The following PIGL variants were observed in gnomAD, a reference collection of about 807,000 sequenced individuals.
PIGL encodes phosphatidylinositol glycan anchor biosynthesis class L.
In PIGL, 22 loss-of-function variants were observed where a neutral mutation model predicts 31.1. That is an observed-to-expected ratio of 0.71 (90% CI 0.51 to 1.01). PIGL has a LOEUF of 1.01. PIGL is among the 50% of genes least tolerant of loss of function. PIGL has a pLI of 0.00. For missense variants in PIGL, 302 were observed against 315.9 expected, an observed-to-expected ratio of 0.96 and a Z score of 0.33; for synonymous variants, 131 against 117.4, an observed-to-expected ratio of 1.12 and a Z score of -0.75.
chr17:16,325,961 C>A lies in PIGL; in HGVS notation c.*63C>A. 3.4e-6 allele frequency: 4 copies of A among 1,189,418 alleles called. No individual in the cohort carries two copies. Among genetic ancestry groups the A allele is most frequent in the Non-Finnish European group, 5.0e-6 (4 of 797,510 alleles). The allele number at this position is 1,189,418 out of a possible 1,614,324, so 73.7% of individuals were successfully genotyped here. On this transcript the variant is annotated 3_prime_UTR_variant, in exon 7 of 7. Transcript: ENST00000225609. ...AAAATAGACAAAGGAGTGCAGAGGA[C>A]CTGGCCTGGCACTGGCTTATTTACC...
At chr17:16,322,278 G>A (rs1246301941) in intron 6 of PIGL, among the ~76,000 whole-genome samples, 1 of 151,634 alleles carries the variant, frequency 6.6e-6, no homozygotes, top group Non-Finnish European at 1.5e-5. Context: ...ATTTTTAGTA[G>A]AGACTGGGTT....
At chr17:16,218,734 C>T (rs1241994364) in intron 1 of PIGL, among the ~76,000 whole-genome samples, 1 of 147,570 alleles carries the variant, frequency 6.8e-6, no homozygotes, top group Non-Finnish European at 1.5e-5. Context: ...GCTGGAGTGC[C>T]GTGGCGTGAT....
chr17:16,320,538 GAAGGAAGGAAGGAAGA>G (rs891122929), intron 6 of PIGL, among the ~76,000 whole-genome samples: 13 of 146,712 alleles, frequency 8.9e-5, no homozygotes, highest in African/African-American at 1.8e-4. Flanking sequence ...AAAGAAGAAG[GAAGGAAGGAAGGAAGA>G]AAGGAAGGAA....
intron 6 of PIGL, among the ~76,000 whole-genome samples, chr17:16,320,886 C>T (rs991405005): frequency 2.7e-5 from 4 of 150,334 alleles, no homozygotes; most frequent in Admixed American, 6.7e-5. Context: ...CTACCCACCT[C>T]GGCCTCCCAA....
intron 1 of PIGL, among the ~76,000 whole-genome samples, chr17:16,222,305 G>T (rs892396515): frequency 6.6e-6 from 1 of 151,508 alleles, no homozygotes; most frequent in Non-Finnish European, 1.5e-5. Flanking sequence ...AATAGGAGTA[G>T]ATATATATAT....
chr17:16,290,243 C>T (rs1375120712), intron 2 of PIGL, among the ~76,000 whole-genome samples: 6 of 151,288 alleles, frequency 4.0e-5, no homozygotes, highest in East Asian at 3.9e-4. Flanking sequence ...CCACCACACC[C>T]GGCTAATTAT....
chr17:16,307,265 C>T (rs961558190), intron 3 of PIGL, among the ~76,000 whole-genome samples: 1 of 152,154 alleles, frequency 6.6e-6, no homozygotes, highest in Non-Finnish European at 1.5e-5. Flanking sequence ...GGTGACTGGA[C>T]CTTGTGTTTT....
chr17:16,254,761 C>T (rs150628750), intron 2 of PIGL, among the ~76,000 whole-genome samples: 2,205 of 152,150 alleles, frequency 0.014, 60 homozygotes, highest in African/African-American at 0.051. Flanking sequence ...CCCACCACCA[C>T]GTCCGGCTAA....
intron 1 of PIGL, chr17:16,217,991 G>T (rs1389696596): frequency 1.3e-5 from 2 of 152,178 alleles, no homozygotes; most frequent in Non-Finnish European, 2.9e-5. Flanking sequence ...GGTAATTTTA[G>T]AGTTCAACTC....
chr17:16,290,880 A>G (rs1446533990), intron 2 of PIGL, among the ~76,000 whole-genome samples: 1 of 151,738 alleles, frequency 6.6e-6, no homozygotes, highest in East Asian at 1.9e-4. Flanking sequence ...GGGTCTCACT[A>G]TGTTGCCCAG....
At chr17:16,252,153 G>A (rs906574830) in intron 2 of PIGL, among the ~76,000 whole-genome samples, 4 of 148,578 alleles carry the variant, frequency 2.7e-5, no homozygotes, top group African/African-American at 5.0e-5. Flanking sequence ...GGCTCACTGC[G>A]ACCTCCACCT....
intron 2 of PIGL, among the ~76,000 whole-genome samples, chr17:16,299,524 A>T (rs1230504015): frequency 6.6e-6 from 1 of 152,206 alleles, no homozygotes; most frequent in Non-Finnish European, 1.5e-5. Context: ...ATATCTTTGT[A>T]CTTTTTATTA....
chr17:16,286,389 T>C (rs2092937866), intron 2 of PIGL, among the ~76,000 whole-genome samples: 1 of 152,100 alleles, frequency 6.6e-6, no homozygotes, highest in Non-Finnish European at 1.5e-5. Context: ...AAGGGGGGCT[T>C]CCCTCACCAG....
intron 2 of PIGL, among the ~76,000 whole-genome samples, chr17:16,294,502 T>C (rs1156252232): frequency 6.6e-6 from 1 of 152,178 alleles, no homozygotes. Context: ...TGGCAGGTTA[T>C]TGCTTTTCCA....
At chr17:16,276,691 T>C (rs7217230) in intron 2 of PIGL, among the ~76,000 whole-genome samples, 6,485 of 152,190 alleles carry the variant, frequency 0.043, 457 homozygotes, top group African/African-American at 0.15. Context: ...AAGGCACAAT[T>C]GTGCCACTGC....
At chr17:16,269,636 G>T (rs538515919) in intron 2 of PIGL, among the ~76,000 whole-genome samples, 2 of 142,614 alleles carry the variant, frequency 1.4e-5, no homozygotes, top group African/African-American at 5.3e-5. Flanking sequence ...GTAACACAGC[G>T]AGACTCCGTC....
intron 2 of PIGL, among the ~76,000 whole-genome samples, chr17:16,275,290 C>A (rs1327176447): frequency 1.3e-5 from 2 of 152,144 alleles, no homozygotes; most frequent in Admixed American, 1.3e-4. Flanking sequence ...GTGGGAGTGT[C>A]TTTTAGCATG....
chr17:16,311,527 T>C (rs2093050432), intron 3 of PIGL, among the ~76,000 whole-genome samples: 1 of 132,708 alleles, frequency 7.5e-6, no homozygotes, highest in Non-Finnish European at 1.6e-5. Context: ...GGCAGGGTCA[T>C]AGGACAATAG....
At chr17:16,285,377 G>A (rs916138392) in intron 2 of PIGL, among the ~76,000 whole-genome samples, 3 of 152,030 alleles carry the variant, frequency 2.0e-5, no homozygotes, top group African/African-American at 7.3e-5. Context: ...ACGAGGTCAG[G>A]AGTTCAAGAC....
Sources: gnomAD v4.1 joint callset for allele counts (sites outside exome capture counted in the v4.1 genomes callset) on GRCh38, gnomAD v4.1.1 for gene constraint, MANE v1.5 for transcripts, NCBI Gene and HGNC (gene_info 2026-07-23, HGNC 2026-07-21) for gene names.